Variants in PTPN3 observed in about 807,000 individuals in gnomAD.
PTPN3 encodes tyrosine-protein phosphatase non-receptor type 3.
A neutral mutation model predicts 132.7 loss-of-function variants in PTPN3; 96 were observed. That is an observed-to-expected ratio of 0.72 (90% CI 0.61 to 0.86). The LOEUF (loss-of-function observed/expected upper bound fraction) is 0.86. Among genes scored for constraint, PTPN3 ranks in the 40% least tolerant of loss-of-function variants. PTPN3 has a pLI of 0.00. For synonymous variants in PTPN3, 398 were observed against 429.0 expected (o/e 0.93, Z 0.89); for missense variants, 1,125 against 1,159.6 (o/e 0.97, Z 0.43).
the PTPN3 span, among the ~76,000 whole-genome samples, chr9:109,503,830 T>C: frequency 6.6e-6 from 1 of 152,176 alleles, no homozygotes; most frequent in Non-Finnish European, 1.5e-5. Flanking sequence ...CAATTAGACA[T>C]TGGTAGATTC....
intron 14 of PTPN3, 151 bp from the exon 15 acceptor site, chr9:109,410,566 G>C: frequency 1.2e-6 from 1 of 843,066 alleles, no homozygotes; most frequent in Non-Finnish European, 1.8e-6. Context: ...AGTACACCCA[G>C]GGCCCACTGA....
the PTPN3 span, among the ~76,000 whole-genome samples, chr9:109,517,549 C>T: frequency 6.6e-6 from 1 of 152,314 alleles, no homozygotes; most frequent in African/African-American, 2.4e-5. Flanking sequence ...AAATGTCCTA[C>T]AACTATGGAT....
At chr9:109,438,498 G>A (rs535954812) in intron 7 of PTPN3, among the ~76,000 whole-genome samples, 1 of 152,236 alleles carries the variant, frequency 6.6e-6, no homozygotes, top group East Asian at 1.9e-4. Flanking sequence ...ATTAGGAGAC[G>A]GTGTTTGAAC....
At chr9:109,428,747 G>A (rs1303546419) in intron 10 of PTPN3, 63 bp from the exon 11 acceptor site, 2 of 1,555,062 alleles carry the variant, frequency 1.3e-6, no homozygotes, top group East Asian at 4.6e-5. Flanking sequence ...TGAAGCTGAT[G>A]CCTCTCAATG....
chr9:109,508,916 G>A, the PTPN3 span, among the ~76,000 whole-genome samples: 2 of 152,076 alleles, frequency 1.3e-5, no homozygotes, highest in East Asian at 1.9e-4. Flanking sequence ...AGGTCTGCAG[G>A]TGGGCAGTGG....
At chr9:109,383,767 C>A (rs1194182781) in intron 22 of PTPN3, among the ~76,000 whole-genome samples, 1 of 152,164 alleles carries the variant, frequency 6.6e-6, no homozygotes, top group African/African-American at 2.4e-5. Flanking sequence ...CAGCCCCAGG[C>A]TGCAGCCTGG....
chr9:109,501,021 TTAAC>T (rs376991032), upstream of PTPN3, among the ~76,000 whole-genome samples: 79 of 152,130 alleles, frequency 5.2e-4, no homozygotes, highest in African/African-American at 1.8e-3. Flanking sequence ...TATGGGAAAA[TTAAC>T]TAGTCATTTT....
At chr9:109,533,640 T>G in the PTPN3 span, 20 of 1,497,292 alleles carry the variant, frequency 1.3e-5, no homozygotes, top group Middle Eastern at 7.3e-4. Context: ...CACACTGATC[T>G]ACCTTGTTTT....
the PTPN3 span, among the ~76,000 whole-genome samples, chr9:109,534,817 A>AACAG: frequency 2.0e-5 from 3 of 151,976 alleles, no homozygotes; most frequent in Admixed American, 1.3e-4. Context: ...CAAACAAACA[A>AACAG]ACAAACAAAC....
intron 1 of PTPN3, among the ~76,000 whole-genome samples, chr9:109,486,241 T>C (rs1432225853): frequency 1.3e-5 from 2 of 152,198 alleles, no homozygotes; most frequent in African/African-American, 2.4e-5. Context: ...CCCTGGCTTA[T>C]AGCATACATT....
chr9:109,429,830 T>A (rs930337900), intron 10 of PTPN3, among the ~76,000 whole-genome samples: 1 of 152,226 alleles, frequency 6.6e-6, no homozygotes, highest in African/African-American at 2.4e-5. Flanking sequence ...TCTGCTGGAA[T>A]CTTTACTTCT....
chr9:109,417,418 A>T (rs778841604), intron 14 of PTPN3, among the ~76,000 whole-genome samples: 5 of 152,112 alleles, frequency 3.3e-5, no homozygotes, highest in African/African-American at 4.8e-5. Flanking sequence ...GATATTATTC[A>T]TCCGATTTCT....
the PTPN3 span, among the ~76,000 whole-genome samples, chr9:109,529,457 C>T: frequency 1.3e-5 from 2 of 152,144 alleles, no homozygotes; most frequent in Non-Finnish European, 2.9e-5. Context: ...TGGAAAATCA[C>T]TCCTCCTCCT....
At chr9:109,502,462 A>G (rs988379600), upstream of PTPN3, among the ~76,000 whole-genome samples, 5 of 152,222 alleles carry the variant, frequency 3.3e-5, no homozygotes, top group Non-Finnish European at 7.3e-5. Flanking sequence ...ATGATGTAAA[A>G]TACACATGGT....
At chr9:109,394,958 T>C (rs1041261000) in intron 19 of PTPN3, among the ~76,000 whole-genome samples, 1 of 151,932 alleles carries the variant, frequency 6.6e-6, no homozygotes, top group Admixed American at 6.5e-5. Flanking sequence ...GCTAACATGG[T>C]GAAACCCCGT....
chr9:109,491,699 T>C (rs1847468791), intron 1 of PTPN3, among the ~76,000 whole-genome samples: 1 of 152,188 alleles, frequency 6.6e-6, no homozygotes, highest in African/African-American at 2.4e-5. Flanking sequence ...ATAGCAACAA[T>C]TTAACTCAAG....
chr9:109,442,040 C>T (rs1011397475), intron 7 of PTPN3, among the ~76,000 whole-genome samples: 3 of 151,626 alleles, frequency 2.0e-5, no homozygotes, highest in African/African-American at 7.2e-5. Context: ...CCAGTAATTT[C>T]ATATACAATA....
At chr9:109,514,865 G>T in the PTPN3 span, among the ~76,000 whole-genome samples, 1 of 152,116 alleles carries the variant, frequency 6.6e-6, no homozygotes, top group Non-Finnish European at 1.5e-5. Flanking sequence ...TTATATTTCT[G>T]CTTCTGACAT....
rs573795200 is a variant in PTPN3 at position 109,469,113 on chromosome 9, C to T, written c.-17-5662G>A. Among the ~76,000 whole-genome samples the T allele has an allele frequency of 7.2e-5, 11 of 152,316 alleles. 1 individual carries two copies. The South Asian group carries it at 2.3e-3, about 32-fold the overall frequency. ...CATGAGACACCAGAGCCCTGGGAGT[C>T]AGGGTTGGGTAACAGGGCTGCTACT... On this transcript the variant is annotated intron_variant, in intron 1 of 25. Transcript: ENST00000374541.
Sources: allele counts gnomAD v4.1 joint callset (sites outside exome capture counted in the v4.1 genomes callset), GRCh38; gene constraint gnomAD v4.1.1; transcripts MANE v1.5; gene names NCBI Gene and HGNC (gene_info 2026-07-23, HGNC 2026-07-21).